COL4A4: variants seen among roughly 807,000 people sequenced by gnomAD.
The protein encoded by COL4A4 is collagen type IV alpha 4 chain.
Under a neutral mutation model 192.9 loss-of-function variants are expected in COL4A4, and 105 were observed. The observed-to-expected ratio is 0.54, with a 90% CI of 0.46 to 0.64. The LOEUF is 0.64. Ranked by LOEUF, COL4A4 falls within the 30% of genes least tolerant of loss-of-function variation. The probability of loss-of-function intolerance (pLI) is 0.00; values close to 1 mark genes in which losing one functional copy is unlikely to be tolerated. For synonymous variants in COL4A4, 762 were observed against 769.9 expected (o/e 0.99, Z 0.17); for missense variants, 1,967 against 2,169.3 (o/e 0.91, Z 1.85).
chr2:227,009,041 CAGAGGGAG>C (rs1338903847), intron 46 of COL4A4, among the ~76,000 whole-genome samples: 6 of 152,022 alleles, frequency 3.9e-5, no homozygotes, highest in Non-Finnish European at 7.4e-5. Context: ...AAATTGATGG[CAGAGGGAG>C]AGAAGGAGAG....
chr2:227,075,600 A>G (rs1209239623), intron 25 of COL4A4, among the ~76,000 whole-genome samples: 2 of 152,208 alleles, frequency 1.3e-5, no homozygotes, highest in Non-Finnish European at 2.9e-5. Context: ...GCCCTCTCTC[A>G]CCACTCCTAT....
intron 25 of COL4A4, among the ~76,000 whole-genome samples, chr2:227,065,747 A>G (rs1202344463): frequency 6.6e-6 from 1 of 152,232 alleles, no homozygotes; most frequent in East Asian, 1.9e-4. Flanking sequence ...TCAAAGACCA[A>G]AAGTAGATAA....
intron 3 of COL4A4, among the ~76,000 whole-genome samples, chr2:227,140,525 A>C (rs1480513018): frequency 3.9e-5 from 6 of 152,172 alleles, no homozygotes; most frequent in Non-Finnish European, 7.3e-5. Flanking sequence ...TTTCGGTAAG[A>C]CTTAATTTAT....
At chr2:227,091,760 G>A (rs778837616) in intron 20 of COL4A4, among the ~76,000 whole-genome samples, 100 of 152,148 alleles carry the variant, frequency 6.6e-4, no homozygotes, top group Admixed American at 2.7e-3. Context: ...GCTGGGTGTG[G>A]TGGCACGTGC....
chr2:227,162,468 T>C (rs976904674), intron 1 of COL4A4, among the ~76,000 whole-genome samples: 1 of 152,180 alleles, frequency 6.6e-6, no homozygotes, highest in African/African-American at 2.4e-5. Context: ...CACTGTCACC[T>C]CATCAACAGA....
chr2:226,973,947 A>C, the COL4A4 span, among the ~76,000 whole-genome samples: 3 of 152,200 alleles, frequency 2.0e-5, no homozygotes, highest in Admixed American at 6.5e-5. Flanking sequence ...CTTTGATAGC[A>C]GAGTGGCTGC....
In COL4A4 at chr2:227,104,041, A is replaced by G. The variant is rs766511733; in HGVS notation, c.747T>C (p.Gly249=). ...GGGTGGGTCCAGGAGAACCTTGCTG[A>G]CCAACCTCACCCTTAAAAAAAAAAG... ...KGQMGDPGEV[G]QQGSPGPTLL... is the part of the protein sequence containing the mutation. Residue 249 remains glycine, a synonymous_variant, in exon 13 of 48, where the codon GGT becomes GGC. Coordinates refer to ENST00000396625, the MANE Select transcript of COL4A4 (RefSeq NM_000092.5). The G allele has an allele frequency of 3.7e-6, 6 of 1,612,856 alleles. No homozygotes were observed. The East Asian group carries it at 1.3e-4, about 36-fold the overall frequency.
At chr2:227,155,051 G>A (rs78740548) in intron 1 of COL4A4, among the ~76,000 whole-genome samples, 3,131 of 152,282 alleles carry the variant, frequency 0.021, 55 homozygotes, top group Non-Finnish European at 0.027. Context: ...ATGGACCACC[G>A]GAATGTGGAT....
At chr2:227,100,939 G>A (rs2060478967) in intron 17 of COL4A4, among the ~76,000 whole-genome samples, 1 of 151,806 alleles carries the variant, frequency 6.6e-6, no homozygotes, top group South Asian at 2.1e-4. Flanking sequence ...CAAGTAGCTG[G>A]GACTACAGGC....
chr2:227,050,777 C>A (rs1440986273), intron 33 of COL4A4, among the ~76,000 whole-genome samples, 200 bp downstream of exon 33: 1 of 152,144 alleles, frequency 6.6e-6, no homozygotes, highest in Non-Finnish European at 1.5e-5. Flanking sequence ...TTAGGGGAAC[C>A]AGGCAGGAGC....
intron 42 of COL4A4, among the ~76,000 whole-genome samples, chr2:227,026,116 T>C (rs372529181): frequency 5.3e-5 from 8 of 152,276 alleles, no homozygotes; most frequent in East Asian, 3.9e-4. Context: ...ATTTAATGCA[T>C]GTAGGAATTC....
intron 28 of COL4A4, among the ~76,000 whole-genome samples, chr2:227,058,175 A>G (rs1975961614): frequency 6.6e-6 from 1 of 152,202 alleles, no homozygotes; most frequent in Non-Finnish European, 1.5e-5. Flanking sequence ...TTGCATATTA[A>G]TCTGCAAATG....
At chr2:227,103,261 C>T in intron 13 of COL4A4, 64 bp from the exon 14 acceptor site, 2 of 1,229,690 alleles carry the variant, frequency 1.6e-6, no homozygotes, top group East Asian at 2.3e-5. Context: ...ATTCCATCTC[C>T]TTCAGAAATC....
chr2:227,002,665 AC>A (rs1309187367), downstream of COL4A4: 3 of 152,594 alleles, frequency 2.0e-5, no homozygotes, highest in Non-Finnish European at 2.9e-5. Context: ...AAAAAAGTAA[AC>A]CCGCATTGGC....
At chr2:227,038,233 T>G (rs1243608398) in intron 37 of COL4A4, among the ~76,000 whole-genome samples, 2 of 152,248 alleles carry the variant, frequency 1.3e-5, no homozygotes, top group Non-Finnish European at 2.9e-5. Context: ...CGTCTTGAGT[T>G]AATTTTTGTA....
At chr2:227,148,791 A>ATGAGAATT (rs2063719336) in intron 1 of COL4A4, among the ~76,000 whole-genome samples, 1 of 151,706 alleles carries the variant, frequency 6.6e-6, no homozygotes, top group Non-Finnish European at 1.5e-5. Context: ...ACCTGTCTCT[A>ATGAGAATT]TGAGAATTAG....
chr2:227,057,132 A>T (rs1975576345), intron 29 of COL4A4, among the ~76,000 whole-genome samples: 1 of 152,110 alleles, frequency 6.6e-6, no homozygotes, highest in African/African-American at 2.4e-5. Context: ...ATGATATAGC[A>T]CTTTCCTCAA....
At chr2:227,062,227 A>G (rs1457706875) in intron 26 of COL4A4, among the ~76,000 whole-genome samples, 1 of 111,700 alleles carries the variant, frequency 9.0e-6, no homozygotes, top group Non-Finnish European at 1.8e-5. Flanking sequence ...ACAAAGTGAG[A>G]CTCCGTCTCA....
the COL4A4 span, among the ~76,000 whole-genome samples, chr2:226,972,209 G>T: frequency 2.6e-5 from 4 of 152,168 alleles, no homozygotes; most frequent in East Asian, 1.9e-4. Context: ...TTAGTTTGCT[G>T]AGAATGATGG....
Sources: allele counts gnomAD v4.1 joint callset (sites outside exome capture counted in the v4.1 genomes callset), GRCh38; gene constraint gnomAD v4.1.1; transcripts MANE v1.5; gene names NCBI Gene and HGNC (gene_info 2026-07-23, HGNC 2026-07-21).